Variants in ADAMTS9 observed in about 807,000 individuals in gnomAD.
ADAMTS9 encodes ADAM metallopeptidase with thrombospondin type 1 motif 9.
Under a neutral mutation model 257.1 loss-of-function variants are expected in ADAMTS9, and 107 were observed. The ratio of observed to expected loss-of-function variants is 0.42; its 90% confidence interval spans 0.36 to 0.49. ADAMTS9 has a LOEUF of 0.49. Among genes scored for constraint, ADAMTS9 ranks in the 20% least tolerant of loss-of-function variants. The pLI is 0.03. For synonymous variants in ADAMTS9, 982 were observed against 880.9 expected (o/e 1.11, Z -2.03); for missense variants, 2,353 against 2,469.1 (o/e 0.95, Z 1.00).
At chr3:64,642,158 C>T (rs1576152235) in intron 11 of ADAMTS9, among the ~76,000 whole-genome samples, 165 bp from the exon 12 acceptor site, 1 of 152,172 alleles carries the variant, frequency 6.6e-6, no homozygotes, top group South Asian at 2.1e-4. Context: ...GGATTTTAAT[C>T]TCACACTTAG....
intron 18 of ADAMTS9, among the ~76,000 whole-genome samples, 194 bp from the exon 19 acceptor site, chr3:64,621,434 T>C (rs1054965222): frequency 6.6e-6 from 1 of 152,034 alleles, no homozygotes. Flanking sequence ...ATAAACAAAA[T>C]TGTCATGACT....
At chr3:64,634,237 T>C (rs902949800) in intron 12 of ADAMTS9, among the ~76,000 whole-genome samples, 3 of 152,098 alleles carry the variant, frequency 2.0e-5, no homozygotes, top group African/African-American at 7.2e-5. Flanking sequence ...CTTCCCAACA[T>C]TCATGGTGCT....
intron 30 of ADAMTS9, among the ~76,000 whole-genome samples, chr3:64,557,209 A>T (rs1408129982): frequency 6.6e-6 from 1 of 152,152 alleles, no homozygotes; most frequent in Non-Finnish European, 1.5e-5. Flanking sequence ...ATGAAGAGGT[A>T]CTACAAGAGA....
intron 3 of ADAMTS9, among the ~76,000 whole-genome samples, chr3:64,680,647 C>T (rs1701730928): frequency 6.6e-6 from 1 of 152,170 alleles, no homozygotes; most frequent in African/African-American, 2.4e-5. Flanking sequence ...TGATTGGTAC[C>T]TCACAGCATA....
At chr3:64,615,257 T>G (rs1403002626) in intron 21 of ADAMTS9, 64 bp downstream of exon 21, 1 of 1,564,204 alleles carries the variant, frequency 6.4e-7, no homozygotes, top group Non-Finnish European at 8.7e-7. Context: ...CTTAAACAGA[T>G]AGAGAGCACC....
At chr3:64,532,864 T>A (rs973961046) in intron 38 of ADAMTS9, among the ~76,000 whole-genome samples, 4 of 152,178 alleles carry the variant, frequency 2.6e-5, no homozygotes, top group Non-Finnish European at 4.4e-5. Flanking sequence ...AGCCACACTC[T>A]CGACAGAGGC....
rs1418136029 is a variant in ADAMTS9, at chr3:64,516,492, A to AAGTGT, written c.*630_*634dup. On this transcript the variant is annotated 3_prime_UTR_variant, in exon 40 of 40. Coordinates refer to ENST00000498707, the MANE Select transcript of ADAMTS9 (RefSeq NM_182920.2). ...TCCTTCCGTTCCTCCCTTTCATTAA[A>AAGTGT]AGTGTTTATATTTCTGAGTCGGATG... 3 of 152,660 alleles carry AAGTGT rather than the reference A, an allele frequency of 2.0e-5. No individual in the cohort carries two copies. The highest frequency in any genetic ancestry group is 2.9e-5 in the Non-Finnish European group (2 of 68,046). 9.5% of individuals were successfully genotyped at this position (152,660 alleles called of 1,614,324 possible). A position where few individuals can be genotyped will look rare whatever the true frequency, so the allele number is the denominator to read the frequency against.
intron 20 of ADAMTS9, 145 bp from the exon 21 acceptor site, chr3:64,615,630 T>C (rs1163019299): frequency 1.1e-6 from 1 of 919,532 alleles, no homozygotes; most frequent in Non-Finnish European, 1.6e-6. Context: ...GATCTTTTCA[T>C]GTTATCAGTT....
chr3:64,630,004 G>C (rs770147279), intron 16 of ADAMTS9, among the ~76,000 whole-genome samples: 8 of 152,140 alleles, frequency 5.3e-5, no homozygotes, highest in Non-Finnish European at 1.0e-4. Context: ...CCTCTATACA[G>C]GTTGAATTCA....
At chr3:64,629,590 C>A (rs1371235776) in intron 16 of ADAMTS9, among the ~76,000 whole-genome samples, 1 of 152,226 alleles carries the variant, frequency 6.6e-6, no homozygotes. Flanking sequence ...CCCTTGGTAT[C>A]CCGATTTGCC....
At chr3:64,535,552 C>CTTTTT (rs57945713) in intron 37 of ADAMTS9, among the ~76,000 whole-genome samples, 31 of 84,648 alleles carry the variant, frequency 3.7e-4, no homozygotes, top group African/African-American at 6.5e-4. Context: ...CTTTTCTTTT[C>CTTTTT]TTTTTTTTTT....
At chr3:64,522,018 G>A (rs539927834) in intron 39 of ADAMTS9, 148 bp downstream of exon 39, 3 of 632,814 alleles carry the variant, frequency 4.7e-6, no homozygotes, top group South Asian at 1.9e-5. Context: ...TGAGGACAGA[G>A]GAGCAGGAGA....
intron 19 of ADAMTS9, among the ~76,000 whole-genome samples, chr3:64,616,980 T>A (rs1699957116): frequency 6.6e-6 from 1 of 152,208 alleles, no homozygotes; most frequent in Non-Finnish European, 1.5e-5. Context: ...CTCATGCTTA[T>A]CTTGGAATTT....
chr3:64,631,390 G>A, intron 16 of ADAMTS9, 65 bp downstream of exon 16: 2 of 1,265,288 alleles, frequency 1.6e-6, no homozygotes, highest in Non-Finnish European at 2.3e-6. Flanking sequence ...GAGAAGGAAG[G>A]AAGCAGTATC....
chr3:64,560,879 C>A (rs572662608), intron 30 of ADAMTS9, among the ~76,000 whole-genome samples: 19 of 152,104 alleles, frequency 1.2e-4, no homozygotes, highest in Non-Finnish European at 8.8e-5. Context: ...TCTTTCCCCC[C>A]CTTTTCTACA....
intron 38 of ADAMTS9, among the ~76,000 whole-genome samples, chr3:64,532,279 G>A (rs1038455931): frequency 1.3e-5 from 2 of 152,272 alleles, no homozygotes; most frequent in African/African-American, 2.4e-5. Flanking sequence ...TACCTTAAAT[G>A]TATTCAGAAC....
chr3:64,538,937 G>A (rs1471604371), intron 37 of ADAMTS9, among the ~76,000 whole-genome samples: 4 of 151,954 alleles, frequency 2.6e-5, no homozygotes, highest in Non-Finnish European at 4.4e-5. Flanking sequence ...CTCGCTAACC[G>A]ACATCTAATT....
At chr3:64,564,145 C>T (rs1025788952) in intron 29 of ADAMTS9, among the ~76,000 whole-genome samples, 1 of 152,134 alleles carries the variant, frequency 6.6e-6, no homozygotes, top group Admixed American at 6.5e-5. Flanking sequence ...TTAATGTGCT[C>T]CCCCCACAGC....
chr3:64,568,785 C>T (rs1335803575), intron 28 of ADAMTS9: 2 of 389,666 alleles, frequency 5.1e-6, no homozygotes, highest in African/African-American at 4.3e-5. Context: ...GTGGGTAAAT[C>T]CTGAGAATTG....
Sources: allele counts gnomAD v4.1 joint callset (sites outside exome capture counted in the v4.1 genomes callset), GRCh38; gene constraint gnomAD v4.1.1; transcripts MANE v1.5; gene names NCBI Gene and HGNC (gene_info 2026-07-23, HGNC 2026-07-21).